KCTD9: variants seen among roughly 807,000 people sequenced by gnomAD.
KCTD9 encodes potassium channel tetramerization domain containing 9, also known as BTB/POZ domain-containing protein KCTD9.
Under a neutral mutation model 53.3 loss-of-function variants are expected in KCTD9, and 17 were observed. The ratio of observed to expected loss-of-function variants is 0.32; its 90% CI spans 0.22 to 0.48. KCTD9 has a LOEUF of 0.48. Among genes scored for constraint, KCTD9 ranks in the 20% least tolerant of loss-of-function variants. KCTD9 has a pLI of 0.99. For synonymous variants in KCTD9, 128 were observed against 162.7 expected (o/e 0.79, Z 1.62); for missense variants, 179 against 465.5 (o/e 0.38, Z 5.66).
At chr8:25,458,141 G>T in intron 1 of KCTD9, 58 bp downstream of exon 1, 1 of 1,476,862 alleles carries the variant, frequency 6.8e-7, no homozygotes, top group South Asian at 1.2e-5. Flanking sequence ...AGCCGGTTCC[G>T]CACCGTCCGC....
At chr8:25,443,517 G>T (rs775327482) in intron 3 of KCTD9, among the ~76,000 whole-genome samples, 1 of 152,050 alleles carries the variant, frequency 6.6e-6, no homozygotes, top group Non-Finnish European at 1.5e-5. Flanking sequence ...GTATGCAGTG[G>T]ACCAATTAAG....
At chr8:25,454,690 G>T (rs181550699) in intron 1 of KCTD9, among the ~76,000 whole-genome samples, 1 of 152,272 alleles carries the variant, frequency 6.6e-6, no homozygotes, top group African/African-American at 2.4e-5. Context: ...AGATTCCAGT[G>T]ATTAGAACTA....
chr8:25,440,335 G>A (rs1230212516), intron 4 of KCTD9, among the ~76,000 whole-genome samples: 1 of 152,128 alleles, frequency 6.6e-6, no homozygotes. Context: ...TGGGATTACA[G>A]GCGTGAGCCA....
intron 3 of KCTD9, among the ~76,000 whole-genome samples, chr8:25,443,045 A>G (rs1802152074): frequency 6.6e-6 from 1 of 152,208 alleles, no homozygotes; most frequent in Admixed American, 6.5e-5. Context: ...CTATGAAGCC[A>G]TGAGTTATTT....
At position 25,433,141 on chromosome 8, in the gene KCTD9, A is replaced by C. The variant is rs569803048; in HGVS notation, c.919+189T>G. ...AGGTTTTATTTTTTCTGAGTCCTCA[A>C]TTTTGATTAGCATTTGACTGAAACC... On this transcript the variant is annotated intron_variant, in intron 10 of 11. Coordinates refer to ENST00000221200, the MANE Select transcript of KCTD9 (RefSeq NM_017634.4). Among the ~76,000 whole-genome samples, 3 of 152,308 alleles carry C rather than the reference A, an allele frequency of 2.0e-5. No individual in the cohort carries two copies. In the East Asian group the frequency reaches 5.8e-4, roughly 29 times the overall value.
At chr8:25,456,919 T>C (rs998238700) in intron 1 of KCTD9, among the ~76,000 whole-genome samples, 3 of 152,242 alleles carry the variant, frequency 2.0e-5, no homozygotes, top group African/African-American at 2.4e-5. Flanking sequence ...TAAATCTTTC[T>C]TAGAGTAACA....
At chr8:25,446,048 T>C in intron 2 of KCTD9, 81 bp downstream of exon 2, 1 of 1,538,362 alleles carries the variant, frequency 6.5e-7, no homozygotes, top group Non-Finnish European at 8.8e-7. Flanking sequence ...TAACAGTGAT[T>C]AAATTACTGC....
chr8:25,449,561 T>C (rs1802279844), intron 1 of KCTD9, among the ~76,000 whole-genome samples: 1 of 132,734 alleles, frequency 7.5e-6, no homozygotes, highest in African/African-American at 3.0e-5. Flanking sequence ...GACTTGGTTT[T>C]TCTGTGGGTC....
intron 1 of KCTD9, chr8:25,457,298 T>C: frequency 2.1e-6 from 2 of 937,064 alleles, no homozygotes; most frequent in Non-Finnish European, 2.5e-6. Context: ...CATTTACCTT[T>C]ACCTTAGACT....
In KCTD9 at chr8:25,444,280, A is replaced by G; in HGVS notation, c.214+12T>C. ...TTTTTGGCAGATAAAATTGGCTTTT[A>G]AAGTCACTTACCAATAAATGGCTCT... On this transcript the variant is annotated intron_variant, in intron 3 of 11. Coordinates refer to ENST00000221200, the MANE Select transcript of KCTD9 (RefSeq NM_017634.4). The G allele has an allele frequency of 2.0e-6, 3 of 1,483,522 alleles. No homozygotes were observed. The highest frequency in any genetic ancestry group is 2.2e-5 in the Admixed American group (1 of 45,512). The allele number at this position is 1,483,522 out of a possible 1,614,324, so 91.9% of individuals were successfully genotyped here.
rs1802020448 is a variant in KCTD9 at position 25,436,481 on chromosome 8, C to T, written c.504G>A (p.Val168=). The T allele has an allele frequency of 1.3e-6, 2 of 1,560,008 alleles. No individual in the cohort carries two copies. The highest frequency in any genetic ancestry group is 2.4e-5 in the South Asian group (2 of 83,046). The change falls in exon 7 of 12, where the codon GTG becomes GTA. Residue 168 remains valine, a synonymous_variant. Coordinates refer to ENST00000221200, the MANE Select transcript of KCTD9 (RefSeq NM_017634.4). ...IVNDGINLLG[V]LEEARFFGID... ...TACCAAAAAATCTTGCTTCTTCTAA[C>T]ACACCTATCAGAACAAAAATAATTC...
At chr8:25,446,962 ACTGT>A (rs1487779506) in intron 1 of KCTD9, among the ~76,000 whole-genome samples, 1 of 152,228 alleles carries the variant, frequency 6.6e-6, no homozygotes, top group African/African-American at 2.4e-5. Flanking sequence ...GATACATGCA[ACTGT>A]CTAAGCAGGG....
At chr8:25,440,844 G>A (rs886239371) in intron 3 of KCTD9, among the ~76,000 whole-genome samples, 171 bp from the exon 4 acceptor site, 1 of 152,198 alleles carries the variant, frequency 6.6e-6, no homozygotes, top group African/African-American at 2.4e-5. Context: ...TAGGTGATAA[G>A]GTAGTCCCAC....
chr8:25,441,272 A>G (rs1563247342), intron 3 of KCTD9, among the ~76,000 whole-genome samples: 1 of 152,158 alleles, frequency 6.6e-6, no homozygotes, highest in African/African-American at 2.4e-5. Flanking sequence ...CTTCACAAAA[A>G]CAACAGAAAA....
chr8:25,449,543 A>G (rs1350392825), intron 1 of KCTD9, among the ~76,000 whole-genome samples: 1 of 146,864 alleles, frequency 6.8e-6, no homozygotes, highest in Non-Finnish European at 1.5e-5. Context: ...GTCTACTTCC[A>G]TATGATTGAC....
chr8:25,440,309 C>T (rs922170627), intron 4 of KCTD9, among the ~76,000 whole-genome samples: 5 of 152,012 alleles, frequency 3.3e-5, no homozygotes, highest in Non-Finnish European at 5.9e-5. Flanking sequence ...CCGCCCGCCT[C>T]GGCCTCCCAA....
chr8:25,434,515 CGTTTTTTTGATGTTA>C lies in KCTD9; in HGVS notation c.813+833_813+847del, dbSNP rs146151321. Reference sequence around the variant, plus strand: ...CTATTTAAAGATTAGGTCCTTCAAACGTTTTTTTGATGTTAGTCTTTTTCCTGTTTTGCTACTAAC... The same window carrying C: ...CTATTTAAAGATTAGGTCCTTCAAACGTCTTTTTCCTGTTTTGCTACTAAC... On this transcript the variant is annotated intron_variant, in intron 9 of 11. Transcript: ENST00000221200. Among the ~76,000 whole-genome samples, 638 of 152,114 alleles carry C rather than the reference CGTTTTTTTGATGTTA, an allele frequency of 4.2e-3. 2 individuals are homozygous for C. Among genetic ancestry groups the C allele is most frequent in the Non-Finnish European group, 7.1e-3 (483 of 67,984 alleles).
chr8:25,438,555 A>G (rs183919200), intron 6 of KCTD9, among the ~76,000 whole-genome samples: 1 of 152,328 alleles, frequency 6.6e-6, no homozygotes, highest in Non-Finnish European at 1.5e-5. Flanking sequence ...GCACATGGCA[A>G]TGATCTGCTG....
At chr8:25,451,243 C>T (rs1414207019) in intron 1 of KCTD9, among the ~76,000 whole-genome samples, 2 of 152,126 alleles carry the variant, frequency 1.3e-5, no homozygotes, top group South Asian at 2.1e-4. Flanking sequence ...ATATATATAT[C>T]AACATAAATT....
Sources: gnomAD v4.1 joint callset for allele counts (sites outside exome capture counted in the v4.1 genomes callset) on GRCh38, gnomAD v4.1.1 for gene constraint, MANE v1.5 for transcripts, NCBI Gene and HGNC (gene_info 2026-07-23, HGNC 2026-07-21) for gene names.